Variants in CHM observed in about 807,000 individuals in gnomAD.
CHM encodes rab proteins geranylgeranyltransferase component A 1.
CHM carries 10 observed loss-of-function variants against 49.0 expected under a neutral mutation model. That is an observed-to-expected ratio of 0.20 (90% CI 0.13 to 0.35). CHM has a LOEUF of 0.35. CHM is among the 10% of genes least tolerant of loss of function. The probability of loss-of-function intolerance (pLI) is 1.00; values close to 1 mark genes in which losing one functional copy is unlikely to be tolerated. For missense variants in CHM, 455 were observed against 478.4 expected (o/e 0.95, Z 0.46); for synonymous variants, 184 against 167.5 (o/e 1.10, Z -0.76).
At chrX:86,033,640 A>T (rs1464823283) in intron 1 of CHM, among the ~76,000 whole-genome samples, 1 of 112,207 alleles carries the variant, frequency 8.9e-6, no homozygotes, top group Non-Finnish European at 1.9e-5. Context: ...ATTTCAACCC[A>T]GGTTTAAGTA....
At chrX:85,959,686 T>C (rs1048969353) in intron 5 of CHM, among the ~76,000 whole-genome samples, 1 of 111,638 alleles carries the variant, frequency 9.0e-6, no homozygotes, top group South Asian at 3.7e-4. Flanking sequence ...ATAAGTAATA[T>C]CAGAGAGATA....
At chrX:85,933,769 T>C (rs1181456987) in intron 8 of CHM, among the ~76,000 whole-genome samples, 2 of 111,822 alleles carry the variant, frequency 1.8e-5, no homozygotes. Flanking sequence ...CACAGAATCA[T>C]TTTTCTTTTA....
intron 8 of CHM, among the ~76,000 whole-genome samples, chrX:85,927,345 T>C (rs1928153787): frequency 8.9e-6 from 1 of 111,869 alleles, no homozygotes; most frequent in South Asian, 3.7e-4. Context: ...GATTCCTGTA[T>C]ATGCAACTGT....
chrX:85,872,453 G>A (rs1041800926), intron 14 of CHM, among the ~76,000 whole-genome samples: 6 of 111,600 alleles, frequency 5.4e-5, no homozygotes, highest in Middle Eastern at 4.6e-3. Flanking sequence ...AGCCCTGACC[G>A]GGATGGCTAT....
intron 5 of CHM, among the ~76,000 whole-genome samples, chrX:85,960,934 G>A (rs1930262847): frequency 9.0e-6 from 1 of 111,558 alleles, no homozygotes; most frequent in African/African-American, 3.3e-5. Context: ...CTATTAGTCT[G>A]AGCAGTATGA....
intron 4 of CHM, among the ~76,000 whole-genome samples, chrX:85,974,259 A>G (rs1004110154): frequency 1.8e-5 from 2 of 112,204 alleles, no homozygotes; most frequent in African/African-American, 6.5e-5. Context: ...GATGAGCTTC[A>G]TAAGTAGAGA....
intron 14 of CHM, among the ~76,000 whole-genome samples, chrX:85,870,147 T>G (rs1461246583): frequency 9.0e-6 from 1 of 111,586 alleles, no homozygotes; most frequent in Non-Finnish European, 1.9e-5. Context: ...CCTTCAGGAC[T>G]TAGCTTCCTT....
At chrX:85,909,623 G>C (rs1926811798) in intron 9 of CHM, among the ~76,000 whole-genome samples, 1 of 111,573 alleles carries the variant, frequency 9.0e-6, no homozygotes, top group Non-Finnish European at 1.9e-5. Flanking sequence ...ATCTGTACCA[G>C]ATCATAAAAA....
At chrX:85,922,612 T>A (rs1927858633) in intron 8 of CHM, among the ~76,000 whole-genome samples, 1 of 112,565 alleles carries the variant, frequency 8.9e-6, no homozygotes, top group African/African-American at 3.2e-5. Flanking sequence ...ACTGAAAATA[T>A]CAATGGGTAT....
intron 8 of CHM, among the ~76,000 whole-genome samples, chrX:85,947,680 G>A (rs1213315296): frequency 9.0e-6 from 1 of 111,423 alleles, no homozygotes; most frequent in Non-Finnish European, 1.9e-5. Context: ...CAAAGAGCCT[G>A]CACATCTACC....
rs1930862343 is a variant in CHM at position 85,970,949 on chromosome X, T to C, written c.315-6897A>G. ...AATTTACATTTTAGTCTTTAGCCTG[T>C]TTTGCAATACCCAACGTATTAAATT... On this transcript the variant is annotated intron_variant, in intron 4 of 14. Coordinates refer to ENST00000357749, the MANE Select transcript of CHM (RefSeq NM_000390.4). 6.9e-6 allele frequency: 5 copies of C among 720,298 alleles called. No homozygotes were observed. In the South Asian group the frequency reaches 3.6e-4, roughly 52 times the overall value. 59.4% of individuals were successfully genotyped at this position (720,298 alleles called of 1,213,427 possible).
In CHM at chrX:85,873,218, T is replaced by C. The variant is rs1924198830; in HGVS notation, c.1610-6A>G. The C allele has an allele frequency of 8.1e-6, 9 of 1,112,981 alleles. No individual in the cohort carries two copies. The highest frequency in any genetic ancestry group is 1.1e-5 in the Non-Finnish European group (9 of 818,979). 91.7% of individuals were successfully genotyped at this position (1,112,981 alleles called of 1,213,427 possible). ...CTTTTCTACTTGTTCATTTTCTAAA[T>C]ATAGAAATAAATTTTATTTACATTC... On this transcript the variant is annotated splice_polypyrimidine_tract_variant and splice_region_variant and intron_variant, in intron 13 of 14. Coordinates refer to ENST00000357749, the MANE Select transcript of CHM (RefSeq NM_000390.4).
At chrX:86,006,588 C>A (rs748278887) in intron 2 of CHM, among the ~76,000 whole-genome samples, 1 of 111,693 alleles carries the variant, frequency 9.0e-6, no homozygotes, top group Admixed American at 9.5e-5. Context: ...AATCAATGTG[C>A]AAAAATCACA....
At chrX:85,943,286 A>G in intron 8 of CHM, among the ~76,000 whole-genome samples, 1 of 111,457 alleles carries the variant, frequency 9.0e-6, no homozygotes, top group African/African-American at 3.3e-5. Flanking sequence ...AAAGGATATG[A>G]ACAGACACTT....
intron 8 of CHM, among the ~76,000 whole-genome samples, chrX:85,950,101 G>A (rs1368112330): frequency 3.0e-5 from 3 of 100,638 alleles, no homozygotes; most frequent in Admixed American, 1.1e-4. Context: ...CTGTAGTGCC[G>A]TGAGGATGAA....
intron 8 of CHM, among the ~76,000 whole-genome samples, chrX:85,930,697 A>T (rs1928376885): frequency 9.0e-6 from 1 of 111,694 alleles, no homozygotes; most frequent in Admixed American, 9.6e-5. Context: ...TACTATTTTT[A>T]AAAAACACAC....
intron 2 of CHM, among the ~76,000 whole-genome samples, chrX:86,024,441 C>A (rs1287047883): frequency 2.7e-5 from 3 of 112,388 alleles, no homozygotes; most frequent in African/African-American, 9.7e-5. Flanking sequence ...CAAGTTGTTT[C>A]GGTTCCCTCA....
At chrX:85,920,875 C>T (rs776145394) in intron 8 of CHM, among the ~76,000 whole-genome samples, 260 of 112,311 alleles carry the variant, frequency 2.3e-3, no homozygotes, top group African/African-American at 8.1e-3. Flanking sequence ...TACTCTAAGA[C>T]TTGTTCTAAT....
chrX:85,960,615 A>G (rs771045087), intron 5 of CHM, among the ~76,000 whole-genome samples: 72 of 109,857 alleles, frequency 6.6e-4, no homozygotes, highest in Non-Finnish European at 1.2e-3. Flanking sequence ...AGTAGCACAC[A>G]GGGTTTCACC....
Sources: allele counts gnomAD v4.1 joint callset (sites outside exome capture counted in the v4.1 genomes callset), GRCh38; gene constraint gnomAD v4.1.1; transcripts MANE v1.5; gene names NCBI Gene and HGNC (gene_info 2026-07-23, HGNC 2026-07-21).